Variants in MLLT1 observed in about 807,000 individuals in gnomAD.
MLLT1 encodes the protein MLLT1 super elongation complex subunit.
MLLT1 carries 11 observed loss-of-function variants against 55.1 expected under a neutral mutation model. The observed-to-expected ratio is 0.20, with a 90% CI of 0.13 to 0.33. The LOEUF (loss-of-function observed/expected upper bound fraction) is 0.33, where lower values mean the gene tolerates loss of function less well. MLLT1 is among the 10% of genes least tolerant of loss of function. The probability of loss-of-function intolerance (pLI) is 1.00; values close to 1 mark genes in which losing one functional copy is unlikely to be tolerated. For missense variants in MLLT1, 536 were observed against 760.6 expected (o/e 0.70, Z 3.47); for synonymous variants, 323 against 320.1 (o/e 1.01, Z -0.10).
At chr19:6,241,669 G>A (rs1388021093) in intron 3 of MLLT1, among the ~76,000 whole-genome samples, 2 of 152,224 alleles carry the variant, frequency 1.3e-5, no homozygotes, top group East Asian at 3.9e-4. Context: ...GGGCACCTTC[G>A]TTCTTTCCTT....
chr19:6,278,971 C>T (rs1181361254), intron 1 of MLLT1, among the ~76,000 whole-genome samples: 4 of 152,146 alleles, frequency 2.6e-5, no homozygotes, highest in Non-Finnish European at 5.9e-5. Context: ...CAGCAGAAGA[C>T]CGAAGGCCAG....
At position 6,226,989 on chromosome 19, in the gene MLLT1, GGATGGTTTGGTCTTCTTGGGGTCAGA is replaced by G; in HGVS notation, c.508_533del (p.Ser170ProfsTer43). Reference sequence around the variant, plus strand: ...CCGCCTCACTAACCTTGGAGCCGTGGGATGGTTTGGTCTTCTTGGGGTCAGAGAAGGCAGAGAGTGGAATTGTGGGT... The same window carrying G: ...CCGCCTCACTAACCTTGGAGCCGTGGGAAGGCAGAGAGTGGAATTGTGGGT... On this transcript the variant is annotated frameshift_variant, in exon 5 of 12. Coordinates refer to ENST00000252674, the MANE Select transcript of MLLT1 (RefSeq NM_005934.4). LOFTEE classifies it high-confidence loss of function. This position sits in a 1 kb window ranked among gnomAD's most constrained non-coding sequence, Gnocchi z 6.3. 1 of 1,600,936 alleles carries G rather than the reference GGATGGTTTGGTCTTCTTGGGGTCAGA, an allele frequency of 6.2e-7. No individual in the cohort carries two copies. Among genetic ancestry groups the G allele is most frequent in the Non-Finnish European group, 8.5e-7 (1 of 1,174,810 alleles).
At chr19:6,249,683 A>G (rs754397842) in intron 3 of MLLT1, among the ~76,000 whole-genome samples, 27 of 152,162 alleles carry the variant, frequency 1.8e-4, no homozygotes, top group Non-Finnish European at 2.9e-4. Flanking sequence ...TCTGCCCAGC[A>G]AGCGCTTTAC....
chr19:6,226,935 G>A lies in MLLT1; in HGVS notation c.546+42C>T. On this transcript the variant is annotated intron_variant, in intron 5 of 11. Coordinates refer to ENST00000252674, the MANE Select transcript of MLLT1 (RefSeq NM_005934.4). This position sits in a 1 kb window ranked among gnomAD's most constrained non-coding sequence, Gnocchi z 6.3. The stretch of plus-strand genomic sequence containing the variant: ...CCGGGGCCAGACCCACCACAGCTGG[G>A]CCCCGGCGCTCCCACGCGACTGGGC... 6.6e-7 allele frequency: 1 copy of A among 1,507,920 alleles called. No individual in the cohort carries two copies. The highest frequency in any genetic ancestry group is 8.9e-7 in the Non-Finnish European group (1 of 1,129,038). 93.4% of individuals were successfully genotyped at this position (1,507,920 alleles called of 1,614,324 possible). A position where few individuals can be genotyped will look rare whatever the true frequency, so the allele number is the denominator to read the frequency against.
chr19:6,229,082 G>T lies in MLLT1; in HGVS notation c.420+1488C>A, dbSNP rs763661710. On this transcript the variant is annotated intron_variant, in intron 4 of 11. Coordinates refer to ENST00000252674, the MANE Select transcript of MLLT1 (RefSeq NM_005934.4). This position sits in a 1 kb window ranked among gnomAD's most constrained non-coding sequence, Gnocchi z 5.2. ...CCAGGTCCTGGCTGCAGCCCAGAGC[G>T]GCCCAGGGAACGCCACTTCCCACAG... Among the ~76,000 whole-genome samples the T allele has an allele frequency of 1.3e-5, 2 of 152,212 alleles. No individual in the cohort carries two copies. Among genetic ancestry groups the T allele is most frequent in the Non-Finnish European group, 2.9e-5 (2 of 68,026 alleles).
intron 3 of MLLT1, among the ~76,000 whole-genome samples, chr19:6,246,387 G>A (rs536984354): frequency 1.3e-5 from 2 of 152,318 alleles, no homozygotes; most frequent in Admixed American, 6.5e-5. Flanking sequence ...CAACACAGAC[G>A]TCCTTCAACA....
chr19:6,218,155 AC>A (rs2090864039), intron 6 of MLLT1, 114 bp from the exon 7 acceptor site: 1 of 1,433,016 alleles, frequency 7.0e-7, no homozygotes, highest in Non-Finnish European at 9.2e-7. Flanking sequence ...TCCCCCAGAC[AC>A]CCCTAGGGTC....
intron 1 of MLLT1, among the ~76,000 whole-genome samples, chr19:6,276,369 T>C (rs1015191517): frequency 2.0e-5 from 3 of 152,248 alleles, no homozygotes; most frequent in Non-Finnish European, 4.4e-5. Flanking sequence ...AGCCTGCATT[T>C]CCACATCTGT....
Position 6,213,808 on chromosome 19 carries a change from C to G in MLLT1, c.1408-11G>C. The stretch of plus-strand genomic sequence containing the variant: ...CCTCCGGCCTGACACCTGCAGGGAA[C>G]CCAGGTCTCTGCTGAGCTGTGGCCC... On this transcript the variant is annotated splice_polypyrimidine_tract_variant and intron_variant, in intron 9 of 11. Transcript: ENST00000252674. The G allele has an allele frequency of 1.2e-6, 2 of 1,613,306 alleles. No individual in the cohort carries two copies. The highest frequency in any genetic ancestry group is 8.5e-7 in the Non-Finnish European group (1 of 1,179,584).
At position 6,270,823 on chromosome 19, in the gene MLLT1, T is replaced by C. The variant is rs1179461852; in HGVS notation, c.13-64A>G. The C allele has an allele frequency of 1.4e-6, 2 of 1,478,400 alleles. No individual in the cohort carries two copies. The highest frequency in any genetic ancestry group is 1.8e-6 in the Non-Finnish European group (2 of 1,095,684). The allele number at this position is 1,478,400 out of a possible 1,614,324, so 91.6% of individuals were successfully genotyped here. On this transcript the variant is annotated intron_variant, in intron 1 of 11. Transcript: ENST00000252674. The surrounding 1 kb of genome is among the most constrained non-coding windows in gnomAD (Gnocchi z 7.1). ...GCCTCCAAGCAGGGGACTGTCCCCT[T>C]ACCCACAGAGAACTTTCGATAAAGA...
intron 5 of MLLT1, among the ~76,000 whole-genome samples, chr19:6,225,306 G>A (rs1250620342): frequency 2.0e-5 from 3 of 152,236 alleles, no homozygotes; most frequent in Non-Finnish European, 4.4e-5. Flanking sequence ...GATGGGCAAG[G>A]CCCCAAAAGG....
intron 2 of MLLT1, among the ~76,000 whole-genome samples, chr19:6,267,247 A>G (rs889399813): frequency 6.6e-6 from 1 of 152,072 alleles, no homozygotes; most frequent in Non-Finnish European, 1.5e-5. Context: ...GACTAAAGGC[A>G]TGCGCCACCA....
intron 1 of MLLT1, among the ~76,000 whole-genome samples, 177 bp downstream of exon 1, chr19:6,279,596 G>A (rs552424534): frequency 6.6e-6 from 1 of 151,268 alleles, no homozygotes; most frequent in Admixed American, 6.6e-5. Context: ...CCCTGGCCGG[G>A]GTCGCGGATG....
chr19:6,241,735 G>C (rs2091114841), intron 3 of MLLT1, among the ~76,000 whole-genome samples: 1 of 152,210 alleles, frequency 6.6e-6, no homozygotes. Context: ...TGCATCTGGG[G>C]ACCCACTTCA....
chr19:6,236,402 C>T (rs534691304), intron 3 of MLLT1, among the ~76,000 whole-genome samples: 3 of 152,256 alleles, frequency 2.0e-5, no homozygotes, highest in South Asian at 2.1e-4. Context: ...CCAGCGCACC[C>T]CGGCAGAGGT....
In MLLT1 at chr19:6,212,320, G is replaced by A. The variant is rs540395702; in HGVS notation, c.*722C>T. On this transcript the variant is annotated 3_prime_UTR_variant, in exon 12 of 12. Coordinates refer to ENST00000252674, the MANE Select transcript of MLLT1 (RefSeq NM_005934.4). ...CGGCAAAGGGAGAATTCCTCCATGC[G>A]CCTGGAGAGGGCCAGCTGCCGTGCC... The A allele has an allele frequency of 3.4e-5, 36 of 1,065,454 alleles. No homozygotes were observed. The highest frequency in any genetic ancestry group is 1.6e-4 in the Admixed American group (3 of 18,752). 66.0% of individuals were successfully genotyped at this position (1,065,454 alleles called of 1,614,324 possible). A position where few individuals can be genotyped will look rare whatever the true frequency, so the allele number is the denominator to read the frequency against.
At chr19:6,259,045 C>T (rs900905528) in intron 3 of MLLT1, 10 of 152,374 alleles carry the variant, frequency 6.6e-5, no homozygotes, top group African/African-American at 2.4e-4. Flanking sequence ...CAAACTGAGG[C>T]CCAGAGGAGT....
intron 2 of MLLT1, among the ~76,000 whole-genome samples, chr19:6,265,797 G>C (rs963357477): frequency 1.3e-5 from 2 of 152,056 alleles, no homozygotes; most frequent in Admixed American, 6.6e-5. Context: ...TGACCAACAT[G>C]GTGAAACCCT....
chr19:6,232,051 C>T (rs1422131556), intron 3 of MLLT1, among the ~76,000 whole-genome samples: 3 of 152,082 alleles, frequency 2.0e-5, no homozygotes, highest in Non-Finnish European at 4.4e-5. Context: ...GCCTGGGCTA[C>T]GTGGCGAAAC....
Sources: allele counts gnomAD v4.1 joint callset (sites outside exome capture counted in the v4.1 genomes callset), GRCh38; gene constraint gnomAD v4.1.1; non-coding constraint Gnocchi (gnomAD v3.1); transcripts MANE v1.5; gene names NCBI Gene and HGNC (gene_info 2026-07-23, HGNC 2026-07-21).